Variants in DARS1 observed in about 807,000 individuals in gnomAD.
DARS1 encodes the protein aspartate--tRNA ligase, cytoplasmic.
Under a neutral mutation model 68.8 loss-of-function variants are expected in DARS1, and 51 were observed. The ratio of observed to expected loss-of-function variants is 0.74; its 90% CI spans 0.59 to 0.94. The LOEUF (loss-of-function observed/expected upper bound fraction) is 0.94. Among genes scored for constraint, DARS1 ranks in the 40% least tolerant of loss-of-function variants. The probability of loss-of-function intolerance (pLI) is 0.00; values close to 1 mark genes in which losing one functional copy is unlikely to be tolerated. For synonymous variants in DARS1, 203 were observed against 190.4 expected (o/e 1.07, Z -0.55); for missense variants, 607 against 597.3 (o/e 1.02, Z -0.17).
intron 3 of DARS1, among the ~76,000 whole-genome samples, chr2:135,971,185 A>G (rs553466601): frequency 6.6e-6 from 1 of 152,322 alleles, no homozygotes; most frequent in Admixed American, 6.5e-5. Flanking sequence ...TGATGCAAAA[A>G]TCCTCAACAA....
intron 5 of DARS1, among the ~76,000 whole-genome samples, chr2:135,934,339 G>A (rs1305895993): frequency 6.6e-6 from 1 of 152,142 alleles, no homozygotes; most frequent in Non-Finnish European, 1.5e-5. Context: ...GCTATGGTTA[G>A]GGGTTGGTGC....
intron 10 of DARS1, among the ~76,000 whole-genome samples, chr2:135,916,656 C>T (rs940039862): frequency 1.3e-5 from 2 of 152,044 alleles, no homozygotes; most frequent in African/African-American, 4.8e-5. Flanking sequence ...TGAAGCATTA[C>T]AAAAATCTGA....
At chr2:135,964,840 C>CAAAAAAAAAAAA (rs372676148) in intron 3 of DARS1, among the ~76,000 whole-genome samples, 2 of 49,630 alleles carry the variant, frequency 4.0e-5, no homozygotes, top group East Asian at 5.7e-4. Flanking sequence ...GACTCCACCT[C>CAAAAAAAAAAAA]AAAAAAAAAA....
intron 3 of DARS1, among the ~76,000 whole-genome samples, chr2:135,977,399 G>C (rs1682524147): frequency 6.6e-6 from 1 of 152,168 alleles, no homozygotes. Context: ...TAACTGTTAA[G>C]AAGAAACAGA....
At position 135,985,617 on chromosome 2, in the gene DARS1, C is replaced by G. The variant is rs1000020560; in HGVS notation, c.-149G>C. On this transcript the variant is annotated 5_prime_UTR_variant, in exon 1 of 16. Transcript: ENST00000264161. ...TCGGACTCCGCGTGGAGGTGCGGCT[C>G]CAGAAAGATCGCGAGAGCTGCGGCT... 7 of 1,489,154 alleles carry G rather than the reference C, an allele frequency of 4.7e-6. No individual in the cohort carries two copies. The highest frequency in any genetic ancestry group is 6.3e-6 in the Non-Finnish European group (7 of 1,111,424). 92.2% of individuals were successfully genotyped at this position (1,489,154 alleles called of 1,614,324 possible).
chr2:135,906,107 C>G lies in DARS1; in HGVS notation c.*1209G>C, dbSNP rs192766791. Among the ~76,000 whole-genome samples, 1 of 152,136 alleles carries G rather than the reference C, an allele frequency of 6.6e-6. No homozygotes were observed. The highest frequency in any genetic ancestry group is 1.5e-5 in the Non-Finnish European group (1 of 68,000). On this transcript the variant is annotated 3_prime_UTR_variant, in exon 16 of 16. Coordinates refer to ENST00000264161, the MANE Select transcript of DARS1 (RefSeq NM_001349.4). The stretch of plus-strand genomic sequence containing the variant: ...GAAAAAAATAAGAACTGAATCTAAA[C>G]TTTCAAAGACTGTACAATATAGATG...
At chr2:135,983,969 T>C (rs1423245039) in intron 1 of DARS1, among the ~76,000 whole-genome samples, 1 of 152,226 alleles carries the variant, frequency 6.6e-6, no homozygotes, top group African/African-American at 2.4e-5. Context: ...ACTTTCCTTT[T>C]GTAAAACATC....
At chr2:135,927,610 A>G (rs1681248526) in intron 7 of DARS1, among the ~76,000 whole-genome samples, 1 of 152,168 alleles carries the variant, frequency 6.6e-6, no homozygotes, top group Non-Finnish European at 1.5e-5. Flanking sequence ...TTAAACAAAT[A>G]TTTATTATAT....
At chr2:135,955,143 C>CAAAAAAAAAA in intron 4 of DARS1, among the ~76,000 whole-genome samples, 1 of 109,594 alleles carries the variant, frequency 9.1e-6, no homozygotes, top group Non-Finnish European at 2.0e-5. Flanking sequence ...TTACCACCAC[C>CAAAAAAAAAA]AAAAAAAAAA....
intron 4 of DARS1, among the ~76,000 whole-genome samples, chr2:135,947,310 A>G (rs1041888748): frequency 6.6e-6 from 1 of 151,816 alleles, no homozygotes; most frequent in African/African-American, 2.4e-5. Context: ...CTGGAGGCTG[A>G]GGCAGAAGAA....
intron 10 of DARS1, among the ~76,000 whole-genome samples, chr2:135,918,893 A>T (rs1028111547): frequency 3.3e-5 from 5 of 152,224 alleles, no homozygotes; most frequent in Non-Finnish European, 5.9e-5. Flanking sequence ...AACTGCATCA[A>T]AATGTTTTAG....
At chr2:135,956,083 G>A (rs1384140181) in intron 4 of DARS1, among the ~76,000 whole-genome samples, 1 of 152,210 alleles carries the variant, frequency 6.6e-6, no homozygotes, top group Non-Finnish European at 1.5e-5. Context: ...AGAAATAAGT[G>A]TTTGAATCAG....
In DARS1 at chr2:135,913,099, CT is replaced by C. The variant is rs1168031827; in HGVS notation, c.1150-534del. ...AGCCCTTTCTAATTTCTCCCCCATT[CT>C]AAATTACACTTTGATAAACATCTTT... On this transcript the variant is annotated intron_variant, in intron 12 of 15. Transcript: ENST00000264161. 2.0e-5 allele frequency among the ~76,000 whole-genome samples: 3 copies of C among 149,074 alleles called. No individual in the cohort carries two copies. The East Asian group carries it at 5.9e-4, about 29-fold the overall frequency.
In DARS1 at chr2:135,907,299, AGTGGCAAAGT is replaced by A; in HGVS notation, c.*7_*16del. The A allele has an allele frequency of 6.6e-7, 1 of 1,518,020 alleles. No homozygotes were observed. Among genetic ancestry groups the A allele is most frequent in the South Asian group, 1.1e-5 (1 of 87,980 alleles). 94.0% of individuals were successfully genotyped at this position (1,518,020 alleles called of 1,614,324 possible). On this transcript the variant is annotated 3_prime_UTR_variant, in exon 16 of 16. Transcript: ENST00000264161. ...CGCTCTGTCATCCACACTGGAGTTA[AGTGGCAAAGT>A]GTGAATTTAAGGAGTGAGTCGTTTG...
intron 5 of DARS1, among the ~76,000 whole-genome samples, chr2:135,942,574 A>C (rs1173718159): frequency 6.6e-6 from 1 of 152,148 alleles, no homozygotes; most frequent in African/African-American, 2.4e-5. Context: ...TAATGGGTGC[A>C]GCACACCAAC....
intron 11 of DARS1, among the ~76,000 whole-genome samples, chr2:135,915,544 C>T (rs1680987710): frequency 6.6e-6 from 1 of 152,148 alleles, no homozygotes; most frequent in South Asian, 2.1e-4. Flanking sequence ...ACCTTGGCTT[C>T]TCAAAGTACT....
At chr2:135,945,192 A>G (rs1053223568) in intron 4 of DARS1, among the ~76,000 whole-genome samples, 4 of 151,662 alleles carry the variant, frequency 2.6e-5, no homozygotes, top group African/African-American at 9.7e-5. Context: ...CAGTGGCTCC[A>G]TCTTGACTCA....
At chr2:135,977,571 C>T (rs522086) in intron 3 of DARS1, among the ~76,000 whole-genome samples, 2,012 of 152,140 alleles carry the variant, frequency 0.013, 41 homozygotes, top group African/African-American at 0.046. Flanking sequence ...GGGAGAGAGA[C>T]GAGTAAATGA....
chr2:135,948,475 C>A (rs938057819), intron 4 of DARS1, among the ~76,000 whole-genome samples: 1 of 152,214 alleles, frequency 6.6e-6, no homozygotes, highest in South Asian at 2.1e-4. Flanking sequence ...ATACTCAAGC[C>A]CAGCAGAGTA....
Sources: gnomAD v4.1 joint callset for allele counts (sites outside exome capture counted in the v4.1 genomes callset) on GRCh38, gnomAD v4.1.1 for gene constraint, MANE v1.5 for transcripts, NCBI Gene and HGNC (gene_info 2026-07-23, HGNC 2026-07-21) for gene names.